Variants in LRMDA observed in about 807,000 individuals in gnomAD.
LRMDA encodes the protein leucine rich melanocyte differentiation associated, also known as leucine-rich melanocyte differentiation-associated protein.
In LRMDA, 18 loss-of-function variants were observed where a neutral mutation model predicts 29.8. That is an observed-to-expected ratio of 0.60 (90% CI 0.42 to 0.90). The LOEUF (loss-of-function observed/expected upper bound fraction) is 0.90. Ranked by LOEUF, LRMDA falls within the 40% of genes least tolerant of loss-of-function variation. The pLI, the probability that LRMDA is intolerant of heterozygous loss-of-function variation, is 0.00. For missense variants in LRMDA, 273 were observed against 273.9 expected, an observed-to-expected ratio of 1.00 and a Z score of 0.02; for synonymous variants, 125 against 109.4, an observed-to-expected ratio of 1.14 and a Z score of -0.89.
chr10:75,599,693 T>C (rs1337809586), intron 2 of LRMDA, among the ~76,000 whole-genome samples: 3 of 152,210 alleles, frequency 2.0e-5, no homozygotes, highest in Non-Finnish European at 4.4e-5. Context: ...ACATCTGCAG[T>C]GTCCAATATG....
chr10:75,948,643 G>A (rs1846520019), intron 2 of LRMDA, among the ~76,000 whole-genome samples: 1 of 152,054 alleles, frequency 6.6e-6, no homozygotes, highest in Non-Finnish European at 1.5e-5. Flanking sequence ...TCATATTTAG[G>A]ATTTGGTTTC....
chr10:75,879,790 C>G (rs1806717512), intron 2 of LRMDA, among the ~76,000 whole-genome samples: 1 of 152,042 alleles, frequency 6.6e-6, no homozygotes, highest in South Asian at 2.1e-4. Flanking sequence ...ATCCACATAC[C>G]TTGTGGATTT....
intron 5 of LRMDA, among the ~76,000 whole-genome samples, chr10:76,130,835 A>AT (rs1221814969): frequency 2.0e-5 from 3 of 151,550 alleles, no homozygotes; most frequent in Admixed American, 6.6e-5. Context: ...AATGTTTTGT[A>AT]TTTTTTTAGT....
intron 2 of LRMDA, among the ~76,000 whole-genome samples, chr10:75,660,431 C>A (rs546028444): frequency 1.3e-5 from 2 of 152,318 alleles, no homozygotes; most frequent in Admixed American, 6.5e-5. Context: ...CTGACACCTG[C>A]CTGCCAGCAC....
At chr10:76,082,730 A>AT (rs1174339848) in intron 5 of LRMDA, among the ~76,000 whole-genome samples, 1 of 152,220 alleles carries the variant, frequency 6.6e-6, no homozygotes, top group Non-Finnish European at 1.5e-5. Flanking sequence ...AGGAACCCTC[A>AT]TGCCCTACTG....
At chr10:75,784,624 G>A (rs967224489) in intron 2 of LRMDA, among the ~76,000 whole-genome samples, 3 of 151,786 alleles carry the variant, frequency 2.0e-5, no homozygotes, top group African/African-American at 7.3e-5. Context: ...GCGTGAACCC[G>A]GGAGGCGGAG....
chr10:76,055,063 C>CAA lies in LRMDA; in HGVS notation c.399-3573_399-3572dup, dbSNP rs531729040. ...TGGGCAACAGAGCAAGACTCCATCTCAAAAAAAAAAAAAAAAAAAAAAAAA... is the reference window on the plus strand; with the variant it reads ...TGGGCAACAGAGCAAGACTCCATCTCAAAAAAAAAAAAAAAAAAAAAAAAAAA... On this transcript the variant is annotated intron_variant, in intron 4 of 6. Transcript: ENST00000611255. 2.5e-3 allele frequency among the ~76,000 whole-genome samples: 116 copies of CAA among 45,890 alleles called. 5 individuals are homozygous for CAA. Among genetic ancestry groups the CAA allele is most frequent in the East Asian group, 6.5e-3 (6 of 928 alleles). The allele number at this position is 45,890 out of a possible 152,430, so 30.1% of individuals were successfully genotyped here.
chr10:75,479,718 T>C (rs1263615132), intron 2 of LRMDA, among the ~76,000 whole-genome samples: 2 of 149,076 alleles, frequency 1.3e-5, no homozygotes, highest in Non-Finnish European at 3.0e-5. Context: ...GTGAGGAGAG[T>C]TGGCCAAGTA....
rs1160446062 is a variant in LRMDA, at chr10:75,989,978, G to A, written c.132-46030G>A. Reference sequence around the variant, plus strand: ...CCCACAGGCTCCTCCCAGACAGGCCGGCCTCCTTAGGCCTTGGGTATAATT... The same window carrying A: ...CCCACAGGCTCCTCCCAGACAGGCCAGCCTCCTTAGGCCTTGGGTATAATT... On this transcript the variant is annotated intron_variant, in intron 2 of 6. Coordinates refer to ENST00000611255, the MANE Select transcript of LRMDA (RefSeq NM_001305581.2). 8.5e-5 allele frequency among the ~76,000 whole-genome samples: 13 copies of A among 152,230 alleles called. No individual in the cohort carries two copies. In the East Asian group the frequency reaches 1.2e-3, roughly 14 times the overall value.
At chr10:75,773,145 T>C (rs1443792985) in intron 2 of LRMDA, among the ~76,000 whole-genome samples, 1 of 152,178 alleles carries the variant, frequency 6.6e-6, no homozygotes, top group East Asian at 1.9e-4. Context: ...TTGAAGGATG[T>C]ATCACAGCAT....
intron 6 of LRMDA, among the ~76,000 whole-genome samples, chr10:76,473,537 T>C (rs574822741): frequency 6.7e-6 from 1 of 150,360 alleles, no homozygotes; most frequent in East Asian, 2.0e-4. Flanking sequence ...GAAAACAAAA[T>C]CAACTGGATG....
intron 5 of LRMDA, among the ~76,000 whole-genome samples, chr10:76,309,129 C>G (rs1235701694): frequency 6.6e-6 from 1 of 152,146 alleles, no homozygotes; most frequent in African/African-American, 2.4e-5. Flanking sequence ...AAAGATGGAT[C>G]ATTGGGTAAA....
At chr10:75,772,149 C>A (rs1171069753) in intron 2 of LRMDA, among the ~76,000 whole-genome samples, 1 of 152,196 alleles carries the variant, frequency 6.6e-6, no homozygotes, top group East Asian at 1.9e-4. Flanking sequence ...TAATTTTTCT[C>A]CATAAGTGTT....
intron 2 of LRMDA, among the ~76,000 whole-genome samples, chr10:75,554,798 C>T (rs556828561): frequency 1.2e-4 from 19 of 152,262 alleles, no homozygotes; most frequent in African/African-American, 4.6e-4. Context: ...CTAGTTTCCT[C>T]ATCTGTAAAA....
intron 2 of LRMDA, among the ~76,000 whole-genome samples, chr10:75,932,190 A>G (rs1282217600): frequency 1.3e-5 from 2 of 152,204 alleles, no homozygotes; most frequent in African/African-American, 2.4e-5. Flanking sequence ...CTGGAAGACT[A>G]ATAAACACTG....
chr10:76,282,267 A>G (rs1379081714), intron 5 of LRMDA, among the ~76,000 whole-genome samples: 1 of 152,232 alleles, frequency 6.6e-6, no homozygotes, highest in Non-Finnish European at 1.5e-5. Flanking sequence ...TGTGATCACA[A>G]GTAAATTTTT....
chr10:75,448,312 G>A (rs1844417862), intron 2 of LRMDA, among the ~76,000 whole-genome samples: 1 of 152,010 alleles, frequency 6.6e-6, no homozygotes, highest in East Asian at 1.9e-4. Context: ...TTCCTGTCTT[G>A]TAAAGTCTCT....
intron 6 of LRMDA, among the ~76,000 whole-genome samples, chr10:76,368,518 G>A (rs1461208867): frequency 6.6e-6 from 1 of 152,074 alleles, no homozygotes; most frequent in Non-Finnish European, 1.5e-5. Flanking sequence ...TTTATGGTCT[G>A]TCATATGGTC....
chr10:75,663,999 C>T (rs1841788978), intron 2 of LRMDA, among the ~76,000 whole-genome samples: 1 of 152,188 alleles, frequency 6.6e-6, no homozygotes, highest in African/African-American at 2.4e-5. Context: ...CTATCTGTCT[C>T]TTCTCAGGAA....
Sources: allele counts gnomAD v4.1 joint callset (sites outside exome capture counted in the v4.1 genomes callset), GRCh38; gene constraint gnomAD v4.1.1; transcripts MANE v1.5; gene names NCBI Gene and HGNC (gene_info 2026-07-23, HGNC 2026-07-21).